The following ADAMTS12 variants were observed in gnomAD, a reference collection of about 807,000 sequenced individuals.
ADAMTS12 encodes the protein A disintegrin and metalloproteinase with thrombospondin motifs 12.
Under a neutral mutation model 167.8 loss-of-function variants are expected in ADAMTS12, and 118 were observed. The ratio of observed to expected loss-of-function variants is 0.70; its 90% CI spans 0.61 to 0.82. ADAMTS12 has a LOEUF of 0.82. ADAMTS12 is among the 40% of genes least tolerant of loss of function. The probability of loss-of-function intolerance (pLI) is 0.00; values close to 1 mark genes in which losing one functional copy is unlikely to be tolerated. For synonymous variants in ADAMTS12, 704 were observed against 716.9 expected, an observed-to-expected ratio of 0.98 and a Z score of 0.29; for missense variants, 1,916 against 1,998.8, an observed-to-expected ratio of 0.96 and a Z score of 0.79.
chr5:33,526,981 C>T lies in ADAMTS12; in HGVS notation c.*207G>A, dbSNP rs1743848532. Reference sequence around the variant, plus strand: ...TGATTCTCCTAGCTATTTCACCTTCCTATCAGGGAGCAGCAAGTACGGCAG... The same window carrying T: ...TGATTCTCCTAGCTATTTCACCTTCTTATCAGGGAGCAGCAAGTACGGCAG... On this transcript the variant is annotated 3_prime_UTR_variant, in exon 24 of 24. Transcript: ENST00000504830. 1.2e-5 allele frequency: 7 copies of T among 578,926 alleles called. No homozygotes were observed. In the South Asian group the frequency reaches 1.2e-4, roughly 10 times the overall value. 35.9% of individuals were successfully genotyped at this position (578,926 alleles called of 1,614,324 possible). A position where few individuals can be genotyped will look rare whatever the true frequency, so the allele number is the denominator to read the frequency against.
chr5:33,645,896 C>G (rs1046076434), intron 9 of ADAMTS12, among the ~76,000 whole-genome samples: 2 of 152,086 alleles, frequency 1.3e-5, no homozygotes, highest in African/African-American at 4.8e-5. Context: ...CCTCACAGAG[C>G]TCACATGGTA....
chr5:33,736,342 C>T (rs1024134698), intron 3 of ADAMTS12, among the ~76,000 whole-genome samples: 1 of 152,290 alleles, frequency 6.6e-6, no homozygotes, highest in African/African-American at 2.4e-5. Context: ...AGATTACAGG[C>T]GTGAGCCACC....
At chr5:33,805,242 A>T (rs1220780902) in intron 2 of ADAMTS12, among the ~76,000 whole-genome samples, 1 of 152,218 alleles carries the variant, frequency 6.6e-6, no homozygotes, top group Non-Finnish European at 1.5e-5. Flanking sequence ...CTGGGTCAAC[A>T]TCAACAATCC....
rs749475965 is a variant in ADAMTS12, at chr5:33,596,100, G to C, written c.2528-40C>G. The stretch of plus-strand genomic sequence containing the variant: ...GAAAGATTCACACATATTGAATCCT[G>C]AGCCCACATGCTCATGGTCAGGTGA... On this transcript the variant is annotated intron_variant, in intron 16 of 23. Coordinates refer to ENST00000504830, the MANE Select transcript of ADAMTS12 (RefSeq NM_030955.4). 7 of 1,609,220 alleles carry C rather than the reference G, an allele frequency of 4.3e-6. No homozygotes were observed. The African/African-American group carries it at 8.0e-5, about 18-fold the overall frequency.
intron 5 of ADAMTS12, among the ~76,000 whole-genome samples, chr5:33,681,840 A>G (rs1206049669): frequency 1.3e-5 from 2 of 152,198 alleles, no homozygotes; most frequent in African/African-American, 4.8e-5. Context: ...GAAGAGAGTA[A>G]CATAACCAAA....
intron 13 of ADAMTS12, among the ~76,000 whole-genome samples, chr5:33,625,821 A>G (rs1414898770): frequency 1.3e-5 from 2 of 152,170 alleles, no homozygotes; most frequent in Non-Finnish European, 2.9e-5. Flanking sequence ...CAGTACAATA[A>G]AAACTGAATT....
intron 1 of ADAMTS12, among the ~76,000 whole-genome samples, chr5:33,884,150 T>G (rs540894968): frequency 3.9e-5 from 6 of 152,196 alleles, no homozygotes; most frequent in Non-Finnish European, 7.3e-5. Flanking sequence ...AAGCTCTGTG[T>G]CCACTGGGAA....
intron 20 of ADAMTS12, among the ~76,000 whole-genome samples, chr5:33,557,427 T>C (rs1237476069): frequency 1.3e-5 from 2 of 152,280 alleles, no homozygotes; most frequent in Non-Finnish European, 2.9e-5. Context: ...AAAAGGCCTA[T>C]CAGAATTAGC....
intron 2 of ADAMTS12, among the ~76,000 whole-genome samples, chr5:33,760,799 C>A (rs536078855): frequency 2.0e-5 from 3 of 152,138 alleles, no homozygotes; most frequent in Admixed American, 2.0e-4. Flanking sequence ...GTTTTCTGGT[C>A]ATTTTTTACT....
At chr5:33,812,334 G>A (rs1369162097) in intron 2 of ADAMTS12, among the ~76,000 whole-genome samples, 1 of 152,172 alleles carries the variant, frequency 6.6e-6, no homozygotes. Flanking sequence ...GACAGATGTT[G>A]ATGGGAGAAT....
At chr5:33,682,633 A>C (rs1316962268) in intron 5 of ADAMTS12, among the ~76,000 whole-genome samples, 2 of 152,208 alleles carry the variant, frequency 1.3e-5, no homozygotes, top group Admixed American at 6.5e-5. Flanking sequence ...CTTGTGTTAA[A>C]TATGCAAGAA....
chr5:33,669,024 C>T (rs1487491006), intron 5 of ADAMTS12, among the ~76,000 whole-genome samples: 1 of 152,198 alleles, frequency 6.6e-6, no homozygotes, highest in South Asian at 2.1e-4. Context: ...ATGAAACATG[C>T]ATTTTAATAA....
At chr5:33,769,536 C>G (rs1183537672) in intron 2 of ADAMTS12, among the ~76,000 whole-genome samples, 1 of 152,310 alleles carries the variant, frequency 6.6e-6, no homozygotes, top group East Asian at 1.9e-4. Context: ...ATTTTATTCA[C>G]TTACATCAAT....
chr5:33,799,096 G>A lies in ADAMTS12; in HGVS notation c.490-47548C>T, dbSNP rs147527904. On this transcript the variant is annotated intron_variant, in intron 2 of 23. Transcript: ENST00000504830. ...TATACAAGCAGTGGCTCAAGGCAGC[G>A]CATGAGGGATGAGGCAGTAAGTGCC... Among the ~76,000 whole-genome samples, 421 of 152,204 alleles carry A rather than the reference G, an allele frequency of 2.8e-3. 1 individual carries two copies. The highest frequency in any genetic ancestry group is 6.8e-3 in the Middle Eastern group (2 of 294).
intron 3 of ADAMTS12, among the ~76,000 whole-genome samples, chr5:33,689,504 A>C (rs1355685759): frequency 6.6e-6 from 1 of 152,192 alleles, no homozygotes; most frequent in Non-Finnish European, 1.5e-5. Context: ...CAATGCATGA[A>C]GGACATTTGT....
At chr5:33,861,002 A>G (rs1317312868) in intron 2 of ADAMTS12, among the ~76,000 whole-genome samples, 1 of 152,232 alleles carries the variant, frequency 6.6e-6, no homozygotes, top group Non-Finnish European at 1.5e-5. Flanking sequence ...TGTCACCACC[A>G]GGCCTGGCTT....
intron 2 of ADAMTS12, among the ~76,000 whole-genome samples, chr5:33,767,235 CAT>C (rs1385571118): frequency 6.6e-6 from 1 of 152,112 alleles, no homozygotes; most frequent in Non-Finnish European, 1.5e-5. Context: ...GAAAGAAATA[CAT>C]ATGTTTTAAT....
Position 33,818,527 on chromosome 5 carries a change from C to A in ADAMTS12, c.489+62592G>T, listed in dbSNP as rs182971693. On this transcript the variant is annotated intron_variant, in intron 2 of 23. Transcript: ENST00000504830. ...TCCATATTGGCTATTGTGAGTAATG[C>A]TGTAATTCACATGAGTGTAGATCTA... Among the ~76,000 whole-genome samples, 3 of 152,080 alleles carry A rather than the reference C, an allele frequency of 2.0e-5. No homozygotes were observed. In the East Asian group the frequency reaches 5.8e-4, roughly 29 times the overall value.
intron 3 of ADAMTS12, among the ~76,000 whole-genome samples, chr5:33,740,938 C>T (rs187123616): frequency 6.2e-4 from 94 of 152,310 alleles, no homozygotes; most frequent in East Asian, 5.4e-3. Context: ...ACTTATAAAG[C>T]GGACATTCAA....
Sources: gnomAD v4.1 joint callset for allele counts (sites outside exome capture counted in the v4.1 genomes callset) on GRCh38, gnomAD v4.1.1 for gene constraint, MANE v1.5 for transcripts, NCBI Gene and HGNC (gene_info 2026-07-23, HGNC 2026-07-21) for gene names.